CNTNAP4: variants seen among roughly 807,000 people sequenced by gnomAD.
CNTNAP4 encodes the protein contactin-associated protein-like 4.
Under a neutral mutation model 148.4 loss-of-function variants are expected in CNTNAP4, and 98 were observed. That is an observed-to-expected ratio of 0.66 (90% confidence interval 0.56 to 0.78). The LOEUF (loss-of-function observed/expected upper bound fraction) is 0.78, where lower values mean the gene tolerates loss of function less well. CNTNAP4 is among the 30% of genes least tolerant of loss of function. CNTNAP4 has a pLI of 0.00. For synonymous variants in CNTNAP4, 730 were observed against 565.1 expected (o/e 1.29, Z -4.14); for missense variants, 1,935 against 1,565.6 (o/e 1.24, Z -3.98).
intron 1 of CNTNAP4, among the ~76,000 whole-genome samples, chr16:76,302,388 G>T (rs1487486467): frequency 6.6e-6 from 1 of 152,092 alleles, no homozygotes; most frequent in Non-Finnish European, 1.5e-5. Context: ...CCTTGGAGCT[G>T]AACCTCCGTT....
At chr16:76,306,559 C>T (rs1016445820) in intron 1 of CNTNAP4, among the ~76,000 whole-genome samples, 5 of 152,154 alleles carry the variant, frequency 3.3e-5, no homozygotes, top group African/African-American at 7.2e-5. Flanking sequence ...GTGCTCAAGT[C>T]AGAGGATTTG....
At chr16:76,521,107 A>G in intron 15 of CNTNAP4, 33 bp from the exon 16 acceptor site, 1 of 1,470,220 alleles carries the variant, frequency 6.8e-7, no homozygotes, top group Non-Finnish European at 8.9e-7. Flanking sequence ...TTTCTTTCTG[A>G]ATTTTTTTTT....
Position 76,558,780 on chromosome 16 carries a change from C to CA in CNTNAP4, c.*98dup. 1.1e-6 allele frequency: 1 copy of CA among 935,160 alleles called. No homozygotes were observed. The highest frequency in any genetic ancestry group is 2.0e-5 in the South Asian group (1 of 50,866). The allele number at this position is 935,160 out of a possible 1,614,324, so 57.9% of individuals were successfully genotyped here. A position where few individuals can be genotyped will look rare whatever the true frequency, so the allele number is the denominator to read the frequency against. On this transcript the variant is annotated 3_prime_UTR_variant, in exon 24 of 24. Transcript: ENST00000611870. ...AATGCTCTTACACTGAATGTACAGG[C>CA]AGTGGGCTTGCAGCACTGCCATCTT... is the stretch of plus-strand genomic sequence containing the variant.
At chr16:76,335,719 C>G (rs1444807714) in intron 2 of CNTNAP4, among the ~76,000 whole-genome samples, 1 of 152,114 alleles carries the variant, frequency 6.6e-6, no homozygotes, top group Non-Finnish European at 1.5e-5. Context: ...TCTGTTGCTG[C>G]CATGTGGAGA....
intron 2 of CNTNAP4, among the ~76,000 whole-genome samples, chr16:76,332,479 G>A (rs879558864): frequency 5.1e-4 from 77 of 152,122 alleles, no homozygotes; most frequent in African/African-American, 1.8e-3. Context: ...GCCTAGGCTG[G>A]TCTTGAACTC....
intron 12 of CNTNAP4, among the ~76,000 whole-genome samples, chr16:76,483,978 TAACTA>T (rs1441828412): frequency 2.0e-5 from 3 of 152,256 alleles, no homozygotes; most frequent in Admixed American, 1.3e-4. Flanking sequence ...TATTTTTTAT[TAACTA>T]AATGATAATG....
intron 3 of CNTNAP4, among the ~76,000 whole-genome samples, chr16:76,399,542 A>G (rs1239174266): frequency 6.6e-6 from 1 of 152,186 alleles, no homozygotes; most frequent in Non-Finnish European, 1.5e-5. Flanking sequence ...TGGAACCCAC[A>G]GGGAGAGATC....
chr16:76,536,852 C>G (rs1021185395), intron 18 of CNTNAP4, among the ~76,000 whole-genome samples: 1 of 152,092 alleles, frequency 6.6e-6, no homozygotes, highest in Non-Finnish European at 1.5e-5. Context: ...GACTGACATC[C>G]AATTTAAATT....
intron 4 of CNTNAP4, among the ~76,000 whole-genome samples, chr16:76,429,901 C>A (rs1400652074): frequency 6.6e-6 from 1 of 152,174 alleles, no homozygotes; most frequent in African/African-American, 2.4e-5. Context: ...CAAACTTAAA[C>A]ACATATAGTG....
intron 11 of CNTNAP4, among the ~76,000 whole-genome samples, chr16:76,477,052 G>A (rs1176914550): frequency 1.3e-5 from 2 of 151,996 alleles, no homozygotes; most frequent in African/African-American, 4.8e-5. Flanking sequence ...CCTAGTAGGT[G>A]AATACTATTA....
chr16:76,530,082 T>C (rs2144193097), intron 17 of CNTNAP4, among the ~76,000 whole-genome samples: 1 of 152,310 alleles, frequency 6.6e-6, no homozygotes, highest in Non-Finnish European at 1.5e-5. Context: ...TTATATATTT[T>C]AGGTGAGTCC....
chr16:76,285,381 C>A (rs551283735), intron 1 of CNTNAP4, among the ~76,000 whole-genome samples: 1 of 151,776 alleles, frequency 6.6e-6, no homozygotes, highest in Non-Finnish European at 1.5e-5. Flanking sequence ...TTTTTAATGC[C>A]ATAAGTATTT....
At chr16:76,474,010 T>C (rs1008973481) in intron 10 of CNTNAP4, among the ~76,000 whole-genome samples, 5 of 152,324 alleles carry the variant, frequency 3.3e-5, no homozygotes, top group African/African-American at 9.6e-5. Context: ...GTGCTCTGCC[T>C]GTCTCAGTAA....
chr16:76,519,775 T>G (rs2083388959), intron 15 of CNTNAP4, among the ~76,000 whole-genome samples: 1 of 152,210 alleles, frequency 6.6e-6, no homozygotes, highest in African/African-American at 2.4e-5. Context: ...AGGAAAAACT[T>G]CAAAGTAGAT....
chr16:76,427,944 T>C (rs2145051273), intron 4 of CNTNAP4, among the ~76,000 whole-genome samples: 1 of 152,320 alleles, frequency 6.6e-6, no homozygotes, highest in East Asian at 1.9e-4. Flanking sequence ...TTCATTTAGG[T>C]ATCCTGAGTC....
intron 1 of CNTNAP4, among the ~76,000 whole-genome samples, chr16:76,300,326 C>G (rs1959820675): frequency 6.6e-6 from 1 of 151,912 alleles, no homozygotes; most frequent in Non-Finnish European, 1.5e-5. Context: ...GCTGAAATAG[C>G]TAGTTCAAGC....
chr16:76,393,762 G>C (rs948981582), intron 3 of CNTNAP4, among the ~76,000 whole-genome samples: 4 of 152,128 alleles, frequency 2.6e-5, no homozygotes, highest in Admixed American at 2.6e-4. Flanking sequence ...TTCCTAAGAA[G>C]AGACTTCAGC....
chr16:76,403,553 A>C (rs114821740), intron 3 of CNTNAP4, among the ~76,000 whole-genome samples: 6,296 of 152,252 alleles, frequency 0.041, 455 homozygotes, highest in African/African-American at 0.15. Context: ...GTAACAGATG[A>C]TGATGAGGTT....
At position 76,467,466 on chromosome 16, in the gene CNTNAP4, A is replaced by C. The variant is rs774205500; in HGVS notation, c.1598A>C (p.Gln533Pro). The change falls in exon 10 of 24, where the codon CAG becomes CCG. Residue 533 changes from glutamine to proline, a missense_variant. Coordinates refer to ENST00000611870, the MANE Select transcript of CNTNAP4 (RefSeq NM_033401.5). ...GTGGTAGATCTGATTTCAGTTCAGC[A>C]GGGGTCCCTTGGGAACTTCAGTGAC... The part of the protein sequence containing the change: ...GKVVDLISVQ[Q>P]GSLGNFSDLQ... 4.1e-5 allele frequency: 66 copies of C among 1,613,778 alleles called. No individual in the cohort carries two copies. Among genetic ancestry groups the C allele is most frequent in the Non-Finnish European group, 5.4e-5 (64 of 1,179,878 alleles).
Sources: gnomAD v4.1 joint callset for allele counts (sites outside exome capture counted in the v4.1 genomes callset) on GRCh38, gnomAD v4.1.1 for gene constraint, MANE v1.5 for transcripts, NCBI Gene and HGNC (gene_info 2026-07-23, HGNC 2026-07-21) for gene names.